The following ZNF704 variants were observed in gnomAD, a reference collection of about 807,000 sequenced individuals.
ZNF704 encodes the protein glucocorticoid induced gene 1.
ZNF704 carries 10 observed loss-of-function variants against 44.7 expected under a neutral mutation model. The ratio of observed to expected loss-of-function variants is 0.22; its 90% confidence interval spans 0.14 to 0.38. The LOEUF is 0.38. ZNF704 is among the 10% of genes least tolerant of loss of function. The pLI, the probability that ZNF704 is intolerant of heterozygous loss-of-function variation, is 1.00. For synonymous variants in ZNF704, 211 were observed against 207.6 expected, an observed-to-expected ratio of 1.02 and a Z score of -0.14; for missense variants, 390 against 545.5, an observed-to-expected ratio of 0.71 and a Z score of 2.84.
At chr8:80,820,030 A>G (rs1005299974) in intron 2 of ZNF704, among the ~76,000 whole-genome samples, 5 of 152,220 alleles carry the variant, frequency 3.3e-5, no homozygotes, top group African/African-American at 9.7e-5. Context: ...AGGACTTCTC[A>G]AACAATTGCT....
intron 2 of ZNF704, among the ~76,000 whole-genome samples, chr8:80,763,318 C>T (rs1255673481): frequency 6.6e-6 from 1 of 152,234 alleles, no homozygotes; most frequent in East Asian, 1.9e-4. Context: ...CATTTCCTTA[C>T]ATTCCAGACA....
At chr8:80,827,051 C>T (rs1049600572) in intron 1 of ZNF704, among the ~76,000 whole-genome samples, 2 of 152,140 alleles carry the variant, frequency 1.3e-5, no homozygotes, top group African/African-American at 4.8e-5. Flanking sequence ...TCCTATTCAA[C>T]ACAGTGTTGG....
intron 2 of ZNF704, among the ~76,000 whole-genome samples, chr8:80,756,100 C>A (rs1354895364): frequency 1.4e-5 from 2 of 143,636 alleles, no homozygotes; most frequent in Non-Finnish European, 3.0e-5. Context: ...CAGAGGGAGA[C>A]CTCGTCTCAA....
chr8:80,768,453 A>G (rs1328151111), intron 2 of ZNF704, among the ~76,000 whole-genome samples: 2 of 152,124 alleles, frequency 1.3e-5, no homozygotes, highest in Non-Finnish European at 2.9e-5. Flanking sequence ...CATGAACACA[A>G]AAAGGTTTGT....
At chr8:80,870,065 T>G (rs1157003348) in intron 1 of ZNF704, among the ~76,000 whole-genome samples, 1 of 152,220 alleles carries the variant, frequency 6.6e-6, no homozygotes, top group Non-Finnish European at 1.5e-5. Flanking sequence ...AGCCTTCAGA[T>G]GAGAACTCAA....
At chr8:80,731,977 G>A (rs1045041186) in intron 2 of ZNF704, among the ~76,000 whole-genome samples, 59 of 152,184 alleles carry the variant, frequency 3.9e-4, no homozygotes, top group African/African-American at 1.4e-3. Flanking sequence ...GAACAGCCAT[G>A]TTCAAACTAA....
At chr8:80,745,290 C>T (rs1806825800) in intron 2 of ZNF704, among the ~76,000 whole-genome samples, 1 of 152,094 alleles carries the variant, frequency 6.6e-6, no homozygotes, top group African/African-American at 2.4e-5. Context: ...TGATGGCAGT[C>T]CCTACTTCTG....
chr8:80,664,096 T>C (rs1049850070), intron 6 of ZNF704, among the ~76,000 whole-genome samples: 2 of 151,404 alleles, frequency 1.3e-5, no homozygotes, highest in East Asian at 2.0e-4. Flanking sequence ...TTTGCAACAT[T>C]AGGGATTTTT....
chr8:80,674,694 A>C (rs1818336360), intron 4 of ZNF704, among the ~76,000 whole-genome samples: 1 of 152,026 alleles, frequency 6.6e-6, no homozygotes, highest in Non-Finnish European at 1.5e-5. Flanking sequence ...ACTAGGCCCC[A>C]CCTCCCAACA....
At chr8:80,879,394 G>T (rs1228798330), upstream of ZNF704, among the ~76,000 whole-genome samples, 1 of 152,080 alleles carries the variant, frequency 6.6e-6, no homozygotes, top group African/African-American at 2.4e-5. Context: ...GCAACACCAC[G>T]CTCAGCTAGT....
chr8:80,694,023 G>T (rs113171459), intron 2 of ZNF704, among the ~76,000 whole-genome samples: 7,333 of 152,204 alleles, frequency 0.048, 229 homozygotes, highest in Middle Eastern at 0.095. Context: ...CAGCAGGACT[G>T]GCTGATGCAC....
At chr8:80,666,306 AT>A (rs1818193885) in intron 5 of ZNF704, among the ~76,000 whole-genome samples, 1 of 151,130 alleles carries the variant, frequency 6.6e-6, no homozygotes, top group South Asian at 2.1e-4. Context: ...ATCATTTTTT[AT>A]GGCTGCATAG....
chr8:80,686,542 G>A (rs1204954722), intron 4 of ZNF704, among the ~76,000 whole-genome samples: 1 of 148,506 alleles, frequency 6.7e-6, no homozygotes, highest in African/African-American at 2.6e-5. Flanking sequence ...CCACTACACT[G>A]AGCTAATTTT....
chr8:80,718,707 C>G (rs1345260728), intron 2 of ZNF704, among the ~76,000 whole-genome samples: 1 of 152,172 alleles, frequency 6.6e-6, no homozygotes. Flanking sequence ...CAACCCACCC[C>G]CAAACAACCT....
At position 80,821,340 on chromosome 8, in the gene ZNF704, G is replaced by A. The variant is rs1490490146; in HGVS notation, c.221+34C>T. On this transcript the variant is annotated intron_variant, in intron 2 of 8. Coordinates refer to ENST00000327835, the MANE Select transcript of ZNF704 (RefSeq NM_001033723.3). Reference sequence around the variant, plus strand: ...ATGCATGCTCTCCACCAACTTCCTGGGGCAGACACATGTGAGATTTAATGT... The same window carrying A: ...ATGCATGCTCTCCACCAACTTCCTGAGGCAGACACATGTGAGATTTAATGT... The A allele has an allele frequency of 1.9e-6, 3 of 1,598,624 alleles. No homozygotes were observed. The South Asian group carries it at 3.3e-5, about 18-fold the overall frequency.
intron 2 of ZNF704, among the ~76,000 whole-genome samples, chr8:80,751,888 C>T (rs896024653): frequency 1.3e-5 from 2 of 152,112 alleles, no homozygotes; most frequent in African/African-American, 2.4e-5. Flanking sequence ...TTACAGGTGC[C>T]CACCACCACG....
chr8:80,877,305 G>T (rs1224266727), upstream of ZNF704, among the ~76,000 whole-genome samples: 2 of 151,244 alleles, frequency 1.3e-5, no homozygotes, highest in Non-Finnish European at 2.9e-5. Context: ...AGAAGGATCT[G>T]TTCAGGCAGG....
chr8:80,863,432 T>A (rs897586893), intron 1 of ZNF704, among the ~76,000 whole-genome samples: 1 of 152,198 alleles, frequency 6.6e-6, no homozygotes, highest in Non-Finnish European at 1.5e-5. Flanking sequence ...CCAATTCCAA[T>A]TATTTCAATT....
chr8:80,825,059 A>G (rs1164771281), intron 1 of ZNF704, among the ~76,000 whole-genome samples: 1 of 152,208 alleles, frequency 6.6e-6, no homozygotes, highest in Admixed American at 6.5e-5. Context: ...GACAGGATCA[A>G]ATTCACACAT....
Sources: allele counts gnomAD v4.1 joint callset (sites outside exome capture counted in the v4.1 genomes callset), GRCh38; gene constraint gnomAD v4.1.1; transcripts MANE v1.5; gene names NCBI Gene and HGNC (gene_info 2026-07-23, HGNC 2026-07-21).